The following TRPA1 variants were observed in gnomAD, a reference collection of about 807,000 sequenced individuals.
TRPA1 encodes the protein transient receptor potential cation channel subfamily A member 1.
TRPA1 carries 129 observed loss-of-function variants against 131.3 expected under a neutral mutation model. That is an observed-to-expected ratio of 0.98 (90% CI 0.85 to 1.14). The LOEUF is 1.14. Among genes scored for constraint, TRPA1 ranks in the 50% most tolerant of loss-of-function variants. The probability of loss-of-function intolerance (pLI) is 0.00; values close to 1 mark genes in which losing one functional copy is unlikely to be tolerated. For synonymous variants in TRPA1, 441 were observed against 451.7 expected, an observed-to-expected ratio of 0.98 and a Z score of 0.30; for missense variants, 1,304 against 1,354.2, an observed-to-expected ratio of 0.96 and a Z score of 0.58.
At chr8:72,063,777 C>T (rs1173752904) in intron 4 of TRPA1, among the ~76,000 whole-genome samples, 1 of 152,024 alleles carries the variant, frequency 6.6e-6, no homozygotes, top group Non-Finnish European at 1.5e-5. Context: ...TTATATCTTC[C>T]AAAGAAGTAA....
intron 24 of TRPA1, 64 bp downstream of exon 24, chr8:72,029,837 T>C: frequency 6.6e-7 from 1 of 1,511,152 alleles, no homozygotes; most frequent in Non-Finnish European, 9.2e-7. Context: ...CTTGTAATAT[T>C]TTTAACTTAT....
At chr8:72,039,655 T>G in intron 18 of TRPA1, 72 bp downstream of exon 18, 1 of 998,490 alleles carries the variant, frequency 1.0e-6, no homozygotes, top group Non-Finnish European at 1.6e-6. Context: ...CATTACAATA[T>G]AATTGTTTTG....
At chr8:72,036,222 A>G (rs1277410387) in intron 21 of TRPA1, 66 bp downstream of exon 21, 7 of 1,533,354 alleles carry the variant, frequency 4.6e-6, no homozygotes, top group Non-Finnish European at 6.3e-6. Context: ...TACACCAGGT[A>G]CAATAGTTTT....
intron 17 of TRPA1, among the ~76,000 whole-genome samples, chr8:72,042,867 C>T (rs922475581): frequency 2.0e-5 from 3 of 151,602 alleles, no homozygotes; most frequent in African/African-American, 7.3e-5. Context: ...AGAAAAATCA[C>T]AGAAACAAAA....
intron 23 of TRPA1, among the ~76,000 whole-genome samples, chr8:72,031,776 C>T (rs1422758214): frequency 1.3e-5 from 2 of 152,140 alleles, no homozygotes; most frequent in Non-Finnish European, 2.9e-5. Flanking sequence ...TTATCAAATG[C>T]TTATCATGTG....
chr8:72,033,005 T>C (rs34106852), intron 23 of TRPA1, among the ~76,000 whole-genome samples: 18,006 of 152,276 alleles, frequency 0.12, 1,336 homozygotes, highest in Middle Eastern at 0.29. Flanking sequence ...AACGTGCTCA[T>C]GCCTTGAGCA....
intron 17 of TRPA1, among the ~76,000 whole-genome samples, chr8:72,044,823 G>T (rs1218169716): frequency 6.6e-6 from 1 of 151,862 alleles, no homozygotes; most frequent in Non-Finnish European, 1.5e-5. Context: ...AGCTATTAAG[G>T]CATTGCAGAA....
intron 25 of TRPA1, among the ~76,000 whole-genome samples, chr8:72,024,833 A>G (rs773762439): frequency 1.3e-5 from 2 of 152,090 alleles, no homozygotes; most frequent in African/African-American, 2.4e-5. Flanking sequence ...CATGTGTGAA[A>G]TCAGTTGGAG....
chr8:72,054,076 CG>C (rs1563396714), intron 12 of TRPA1: 2 of 567,766 alleles, frequency 3.5e-6, no homozygotes, highest in African/African-American at 3.8e-5. Flanking sequence ...GATTCATACA[CG>C]TTTTTTACTT....
rs761977293 is a variant in TRPA1, at chr8:72,050,904, G to A, written c.1812-33C>T. 10 of 1,412,498 alleles carry A rather than the reference G, an allele frequency of 7.1e-6. No individual in the cohort carries two copies. The Admixed American group carries it at 1.5e-4, about 21-fold the overall frequency. The allele number at this position is 1,412,498 out of a possible 1,614,324, so 87.5% of individuals were successfully genotyped here. On this transcript the variant is annotated intron_variant, in intron 14 of 26. Coordinates refer to ENST00000262209, the MANE Select transcript of TRPA1 (RefSeq NM_007332.3). ...AAATAAATAAGTAAGATAAGCACAG[G>A]TCTTCATCCTTCTGTTCTGTACAAC... is the stretch of plus-strand genomic sequence containing the variant.
intron 23 of TRPA1, among the ~76,000 whole-genome samples, chr8:72,032,385 A>G (rs2129433213): frequency 6.6e-6 from 1 of 152,316 alleles, no homozygotes; most frequent in African/African-American, 2.4e-5. Flanking sequence ...GCCAACCGGA[A>G]GCAGATGTGA....
In TRPA1 at chr8:72,022,646, C is replaced by T; in HGVS notation, c.*260G>A. The T allele has an allele frequency of 1.9e-6, 1 of 532,912 alleles. No homozygotes were observed. The highest frequency in any genetic ancestry group is 3.4e-6 in the Non-Finnish European group (1 of 295,566). 33.0% of individuals were successfully genotyped at this position (532,912 alleles called of 1,614,324 possible). On this transcript the variant is annotated 3_prime_UTR_variant, in exon 27 of 27. Transcript: ENST00000262209. The stretch of plus-strand genomic sequence containing the variant: ...TGTTCTAGCAAATTCATTTTCTACC[C>T]ATTCAAATAATGAGATTATATCTCA...
rs1034655616 is a variant in TRPA1, at chr8:72,034,317, C to A, written c.2616G>T (p.Arg872Ser). The change falls in exon 22 of 27, where the codon AGG becomes AGT. Residue 872 changes from arginine to serine, a missense_variant. Arg to Ser is a moderately radical substitution (Grantham distance 110). Coordinates refer to ENST00000262209, the MANE Select transcript of TRPA1 (RefSeq NM_007332.3). ...MLEVILKTLLRSTVVFIFLLL... is the reference protein window; with the variant it reads ...MLEVILKTLLSSTVVFIFLLL... ...GAAGGAAGATAAATACAACTGTAGA[C>A]CTCAACAAAGTTTTCAAAATTACCT... The A allele has an allele frequency of 1.9e-6, 3 of 1,593,064 alleles. No individual in the cohort carries two copies. The highest frequency in any genetic ancestry group is 1.4e-5 in the African/African-American group (1 of 73,882).
rs774864495 is a variant in TRPA1, at chr8:72,057,015, C to T, written c.1096G>A (p.Ala366Thr). ...AAATTATCTTTTATGTCTACTTGGG[C>T]ACCTAAAAAAAAACACTATGTAAAT... is the stretch of plus-strand genomic sequence containing the variant. ...NIVNLLLSKG[A>T]QVDIKDNFGR... The change falls in exon 10 of 27, where the codon GCC becomes ACC. Residue 366 changes from alanine to threonine, a missense_variant and splice_region_variant. Ala to Thr is a moderately conservative substitution (Grantham distance 58). Coordinates refer to ENST00000262209, the MANE Select transcript of TRPA1 (RefSeq NM_007332.3). 6.3e-7 allele frequency: 1 copy of T among 1,593,582 alleles called. No individual in the cohort carries two copies. The highest frequency in any genetic ancestry group is 1.1e-5 in the South Asian group (1 of 88,660).
Position 72,039,681 on chromosome 8 carries a change from A to G in TRPA1, c.2132+46T>C, listed in dbSNP as rs372627375. ...AATTGTTTTGAAGGCTTTGTAATAG[A>G]TCCAATAGACACAGCATTAAACAAG... On this transcript the variant is annotated intron_variant, in intron 18 of 26. Coordinates refer to ENST00000262209, the MANE Select transcript of TRPA1 (RefSeq NM_007332.3). The G allele has an allele frequency of 1.1e-4, 131 of 1,179,764 alleles. No homozygotes were observed. In the African/African-American group the frequency reaches 1.7e-3, roughly 16 times the overall value. 73.1% of individuals were successfully genotyped at this position (1,179,764 alleles called of 1,614,324 possible).
chr8:72,058,505 G>A (rs1294519624), intron 8 of TRPA1, among the ~76,000 whole-genome samples: 5 of 152,038 alleles, frequency 3.3e-5, no homozygotes, highest in African/African-American at 9.7e-5. Context: ...AAATCCAAAC[G>A]TGAATATTTC....
At chr8:72,033,508 T>A in intron 23 of TRPA1, 136 bp downstream of exon 23, 1 of 846,336 alleles carries the variant, frequency 1.2e-6, no homozygotes, top group Non-Finnish European at 1.8e-6. Context: ...ACCAAGTGAG[T>A]GTTGAACGAA....
intron 23 of TRPA1, among the ~76,000 whole-genome samples, chr8:72,032,433 G>A (rs1811861517): frequency 6.6e-6 from 1 of 152,180 alleles, no homozygotes; most frequent in African/African-American, 2.4e-5. Context: ...GGAAAAACGT[G>A]GGAGAGTGAA....
intron 3 of TRPA1, among the ~76,000 whole-genome samples, chr8:72,066,447 C>T (rs1805933932): frequency 6.6e-6 from 1 of 152,172 alleles, no homozygotes; most frequent in South Asian, 2.1e-4. Flanking sequence ...TTCATTAAAT[C>T]AGCTGTTTCT....
Sources: gnomAD v4.1 joint callset for allele counts (sites outside exome capture counted in the v4.1 genomes callset) on GRCh38, gnomAD v4.1.1 for gene constraint, MANE v1.5 for transcripts, NCBI Gene and HGNC (gene_info 2026-07-23, HGNC 2026-07-21) for gene names.